The following ANO7 variants were observed in gnomAD, a reference collection of about 807,000 sequenced individuals.
ANO7 encodes the protein anoctamin 7.
ANO7 carries 114 observed loss-of-function variants against 115.8 expected under a neutral mutation model. The observed-to-expected ratio is 0.98, with a 90% CI of 0.85 to 1.15. The LOEUF is 1.15. ANO7 is among the 50% of genes most tolerant of loss of function. The pLI is 0.00. For synonymous variants in ANO7, 550 were observed against 498.2 expected, an observed-to-expected ratio of 1.10 and a Z score of -1.38; for missense variants, 1,302 against 1,201.2, an observed-to-expected ratio of 1.08 and a Z score of -1.24.
At chr2:241,211,557 C>T (rs1283741919) in intron 15 of ANO7, among the ~76,000 whole-genome samples, 2 of 152,168 alleles carry the variant, frequency 1.3e-5, no homozygotes, top group African/African-American at 2.4e-5. Context: ...GGAAGTGCCT[C>T]CTGGTGGGTG....
At chr2:241,201,443 G>T in intron 7 of ANO7, 88 bp downstream of exon 7, 3 of 1,441,540 alleles carry the variant, frequency 2.1e-6, no homozygotes, top group Non-Finnish European at 2.8e-6. Flanking sequence ...ATGCAGAAAG[G>T]CCTGCTTGAG....
rs1341837597 is a variant in ANO7, at chr2:241,214,880, A to C, written c.1804A>C (p.Asn602His). ...CATGGTGGGCAAGCAGGTCATCAACAACATGCAGGAGGTCCTCATCCCGTG... is the reference window on the plus strand; with the variant it reads ...CATGGTGGGCAAGCAGGTCATCAACCACATGCAGGAGGTCCTCATCCCGTG... Reference protein sequence around the residue: ...VIMVGKQVINNMQEVLIPKLK... With the variant: ...VIMVGKQVINHMQEVLIPKLK... The change falls in exon 18 of 25, where the codon AAC (asparagine) becomes CAC (histidine). Residue 602 changes from asparagine (N) to histidine (H), a missense_variant. Coordinates refer to ENST00000674324, the MANE Select transcript of ANO7 (RefSeq NM_001370694.2). 1 of 1,612,680 alleles carries C rather than the reference A, an allele frequency of 6.2e-7. No individual in the cohort carries two copies. The highest frequency in any genetic ancestry group is 1.3e-5 in the African/African-American group (1 of 74,908).
chr2:241,200,493 G>A (rs922994072), intron 6 of ANO7, among the ~76,000 whole-genome samples: 5 of 152,236 alleles, frequency 3.3e-5, no homozygotes, highest in Admixed American at 2.0e-4. Flanking sequence ...TCAGGCACAC[G>A]TGTGGTGGGG....
At chr2:241,233,929 T>A in the ANO7 span, 2 of 1,614,058 alleles carry the variant, frequency 1.2e-6, no homozygotes, top group Admixed American at 1.7e-5. The surrounding 1 kb of genome is among the most constrained non-coding windows in gnomAD (Gnocchi z 4.3). Context: ...GTATTTGGGG[T>A]CTACAGTGAC....
rs1439313931 is a variant in ANO7, at chr2:241,203,574, C to T, written c.889+76C>T. 8.6e-6 allele frequency: 10 copies of T among 1,161,122 alleles called. No individual in the cohort carries two copies. Among genetic ancestry groups the T allele is most frequent in the African/African-American group, 3.2e-5 (2 of 61,730 alleles). The allele number at this position is 1,161,122 out of a possible 1,614,324, so 71.9% of individuals were successfully genotyped here. The stretch of plus-strand genomic sequence containing the variant: ...GTCAGGTTGTAACAATTTGCCAGTC[C>T]GTACCCCTGGAGGGCAGCGTGCGTG... On this transcript the variant is annotated intron_variant, in intron 9 of 24. Transcript: ENST00000674324. This position sits in a 1 kb window ranked among gnomAD's most constrained non-coding sequence, Gnocchi z 4.8.
intron 3 of ANO7, among the ~76,000 whole-genome samples, chr2:241,193,782 T>A (rs760538083): frequency 1.3e-5 from 2 of 152,266 alleles, no homozygotes; most frequent in Admixed American, 6.5e-5. Context: ...GTATGCCTGA[T>A]GTATTATTTC....
chr2:241,217,676 C>T lies in ANO7; in HGVS notation c.1973-10C>T. On this transcript the variant is annotated splice_polypyrimidine_tract_variant and intron_variant, in intron 19 of 24. Transcript: ENST00000674324. Reference sequence around the variant, plus strand: ...TGGCGGAGAGCCCGGCCGTGACCCCCTCCCCGCAGTGCTGCAGTTCGGCTT... The same window carrying T: ...TGGCGGAGAGCCCGGCCGTGACCCCTTCCCCGCAGTGCTGCAGTTCGGCTT... The T allele has an allele frequency of 6.4e-7, 1 of 1,572,178 alleles. No individual in the cohort carries two copies. Among genetic ancestry groups the T allele is most frequent in the Non-Finnish European group, 8.6e-7 (1 of 1,159,766 alleles).
At chr2:241,213,899 G>A (rs183184171) in intron 17 of ANO7, among the ~76,000 whole-genome samples, 3 of 152,354 alleles carry the variant, frequency 2.0e-5, no homozygotes, top group African/African-American at 2.4e-5. Flanking sequence ...GGGATGGAGT[G>A]GGGAGTGTGG....
chr2:241,222,619 C>G (rs1272150723), intron 21 of ANO7, among the ~76,000 whole-genome samples: 1 of 151,816 alleles, frequency 6.6e-6, no homozygotes, highest in African/African-American at 2.4e-5. Context: ...CAAAGTTGAC[C>G]CTGGTAATAG....
rs1382593297 is a variant in ANO7, at chr2:241,225,313, CAGG to C, written c.*1163_*1165del. 6.6e-6 allele frequency: 1 copy of C among 152,142 alleles called. No homozygotes were observed. The highest frequency in any genetic ancestry group is 6.5e-5 in the Admixed American group (1 of 15,270). 9.4% of individuals were successfully genotyped at this position (152,142 alleles called of 1,614,324 possible). A position where few individuals can be genotyped will look rare whatever the true frequency, so the allele number is the denominator to read the frequency against. ...GGCTGAGGCAGGAGGATTACAAGGT[CAGG>C]AGTTCGGGACTAGCCTGTCCAACAT... On this transcript the variant is annotated 3_prime_UTR_variant, in exon 25 of 25. Transcript: ENST00000674324.
chr2:241,236,657 A>G, the ANO7 span: 3 of 1,614,110 alleles, frequency 1.9e-6, no homozygotes, highest in Non-Finnish European at 2.5e-6. Context: ...CTTTCCGGCC[A>G]GAGATGATGA....
At chr2:241,198,283 C>T (rs187045047) in intron 4 of ANO7, among the ~76,000 whole-genome samples, 1 of 152,326 alleles carries the variant, frequency 6.6e-6, no homozygotes, top group East Asian at 1.9e-4. Context: ...TCCTTCCAGT[C>T]CTTCTCAGGT....
At chr2:241,207,817 C>T (rs1014616272) in intron 11 of ANO7, 147 bp downstream of exon 11, 2 of 708,574 alleles carry the variant, frequency 2.8e-6, no homozygotes, top group Non-Finnish European at 2.4e-6. Flanking sequence ...GCTCCTTAAC[C>T]TTTGTTCTCT....
chr2:241,221,375 C>G (rs757385050), intron 21 of ANO7, among the ~76,000 whole-genome samples: 1 of 149,588 alleles, frequency 6.7e-6, no homozygotes, highest in Non-Finnish European at 1.5e-5. Context: ...CTTTCACGCC[C>G]GTCCTATTCT....
chr2:241,239,671 G>C, the ANO7 span: 1 of 1,614,224 alleles, frequency 6.2e-7, no homozygotes. This position sits in a 1 kb window ranked among gnomAD's most constrained non-coding sequence, Gnocchi z 4.6. Flanking sequence ...CCTTGAGGGT[G>C]ACTTTGTCGC....
chr2:241,204,464 C>T (rs897256276), intron 9 of ANO7, among the ~76,000 whole-genome samples: 26 of 152,182 alleles, frequency 1.7e-4, no homozygotes, highest in African/African-American at 6.3e-4. Flanking sequence ...CCCGGAATGA[C>T]TCGTGGTTTC....
At chr2:241,220,709 A>T (rs553194488) in intron 21 of ANO7, among the ~76,000 whole-genome samples, 2 of 152,230 alleles carry the variant, frequency 1.3e-5, no homozygotes, top group Non-Finnish European at 2.9e-5. Flanking sequence ...CTGAGGCGGG[A>T]GAATGGCGTG....
intron 21 of ANO7, among the ~76,000 whole-genome samples, chr2:241,220,214 A>G (rs1208460913): frequency 6.6e-6 from 1 of 152,212 alleles, no homozygotes; most frequent in Non-Finnish European, 1.5e-5. Flanking sequence ...GGGTCTTCAC[A>G]TGCAGAAATG....
At chr2:241,209,734 T>G in intron 13 of ANO7, 99 bp downstream of exon 13, 2 of 1,432,044 alleles carry the variant, frequency 1.4e-6, no homozygotes, top group African/African-American at 1.4e-5. Context: ...GCCAGATGCC[T>G]CCTCTGGGCA....
Sources: gnomAD v4.1 joint callset for allele counts (sites outside exome capture counted in the v4.1 genomes callset) on GRCh38, gnomAD v4.1.1 for gene constraint, Gnocchi (gnomAD v3.1) non-coding constraint, MANE v1.5 for transcripts, NCBI Gene and HGNC (gene_info 2026-07-23, HGNC 2026-07-21) for gene names.